Variants in ALCAM observed in about 807,000 individuals in gnomAD.
ALCAM encodes CD166 antigen.
In ALCAM, 30 loss-of-function variants were observed where a neutral mutation model predicts 70.9. That is an observed-to-expected ratio of 0.42 (90% CI 0.32 to 0.57). The LOEUF is 0.57. Among genes scored for constraint, ALCAM ranks in the 20% least tolerant of loss-of-function variants. The pLI, the probability that ALCAM is intolerant of heterozygous loss-of-function variation, is 0.11. For missense variants in ALCAM, 591 were observed against 695.1 expected, an observed-to-expected ratio of 0.85 and a Z score of 1.68; for synonymous variants, 249 against 242.5, an observed-to-expected ratio of 1.03 and a Z score of -0.25.
At chr3:105,542,296 A>C (rs542817997) in intron 8 of ALCAM, among the ~76,000 whole-genome samples, 1 of 151,964 alleles carries the variant, frequency 6.6e-6, no homozygotes, top group East Asian at 1.9e-4. Context: ...GAACCTCTTG[A>C]AAATCACTGT....
chr3:105,494,123 C>T (rs1244475057), intron 1 of ALCAM, among the ~76,000 whole-genome samples: 1 of 152,138 alleles, frequency 6.6e-6, no homozygotes, highest in Non-Finnish European at 1.5e-5. Flanking sequence ...TCTTTACTAA[C>T]TGCATGCTGA....
At chr3:105,563,204 CA>C (rs781415771) in intron 14 of ALCAM, among the ~76,000 whole-genome samples, 12,577 of 75,366 alleles carry the variant, frequency 0.17, 635 homozygotes, top group Non-Finnish European at 0.22. Flanking sequence ...GACATTTTTG[CA>C]AAAAAAAAAA....
chr3:105,370,929 C>A (rs540197263), intron 1 of ALCAM, among the ~76,000 whole-genome samples: 35 of 152,194 alleles, frequency 2.3e-4, no homozygotes, highest in African/African-American at 8.2e-4. Context: ...ATTCATATGA[C>A]AAAGCCTCAT....
chr3:105,493,121 T>C (rs565031944), intron 1 of ALCAM, among the ~76,000 whole-genome samples: 1 of 152,318 alleles, frequency 6.6e-6, no homozygotes, highest in South Asian at 2.1e-4. Context: ...CTGTGTTGTA[T>C]CAGAAGCTAT....
chr3:105,468,118 A>C (rs9637374), intron 1 of ALCAM, among the ~76,000 whole-genome samples: 28,210 of 151,196 alleles, frequency 0.19, 2,802 homozygotes, highest in East Asian at 0.37. Flanking sequence ...TGAGTGTAGC[A>C]ATAGGGGAGC....
chr3:105,436,323 T>C (rs1055582376), intron 1 of ALCAM, among the ~76,000 whole-genome samples: 1 of 152,092 alleles, frequency 6.6e-6, no homozygotes, highest in Non-Finnish European at 1.5e-5. Context: ...AACTTCAGTG[T>C]AAACAGTTTA....
intron 1 of ALCAM, among the ~76,000 whole-genome samples, chr3:105,414,357 G>C (rs1313284783): frequency 1.3e-5 from 2 of 152,058 alleles, no homozygotes; most frequent in South Asian, 4.1e-4. Context: ...TGGAGGTTCA[G>C]TGAGCCAAGA....
At chr3:105,533,566 T>G in intron 4 of ALCAM, 37 bp from the exon 5 acceptor site, 1 of 1,576,796 alleles carries the variant, frequency 6.3e-7, no homozygotes, top group Non-Finnish European at 8.7e-7. Flanking sequence ...AGCCCCTGAT[T>G]GAACCAAGGT....
rs1308260044 is a variant in ALCAM at position 105,572,291 on chromosome 3, TTCTCACTGCTCAAC to T, written c.*25+330_*25+343del. The stretch of plus-strand genomic sequence containing the variant: ...GTGGTCCCTTCCCTATGTCCATGTG[TTCTCACTGCTCAAC>T]TCCCACTTATGAGTGAAAACATGCA... On this transcript the variant is annotated intron_variant, in intron 15 of 15. Transcript: ENST00000306107. 2.6e-5 allele frequency among the ~76,000 whole-genome samples: 4 copies of T among 152,214 alleles called. No homozygotes were observed. The South Asian group carries it at 8.3e-4, about 32-fold the overall frequency.
At chr3:105,488,259 G>A (rs552629483) in intron 1 of ALCAM, among the ~76,000 whole-genome samples, 2 of 152,158 alleles carry the variant, frequency 1.3e-5, no homozygotes, top group African/African-American at 2.4e-5. Flanking sequence ...CTGCAGAACT[G>A]TGAGCCAAAT....
chr3:105,368,982 G>C (rs1935155439), intron 1 of ALCAM, among the ~76,000 whole-genome samples: 1 of 152,132 alleles, frequency 6.6e-6, no homozygotes, highest in Non-Finnish European at 1.5e-5. Context: ...AGGTGGAAAG[G>C]CGAGACCCCC....
intron 1 of ALCAM, among the ~76,000 whole-genome samples, chr3:105,470,321 GAGAA>G (rs1008130344): frequency 2.7e-5 from 4 of 150,388 alleles, no homozygotes; most frequent in Non-Finnish European, 6.0e-5. Flanking sequence ...AGGCCAAGAT[GAGAA>G]AGAGTTTATG....
chr3:105,546,112 A>G (rs1000003842), intron 9 of ALCAM, among the ~76,000 whole-genome samples: 1 of 151,334 alleles, frequency 6.6e-6, no homozygotes. Context: ...AAAGGTTGTG[A>G]TTGCGATCCC....
At chr3:105,543,756 T>C (rs1487635786) in intron 8 of ALCAM, among the ~76,000 whole-genome samples, 2 of 151,706 alleles carry the variant, frequency 1.3e-5, no homozygotes, top group African/African-American at 4.8e-5. Flanking sequence ...GAAAATTAGC[T>C]ATCCAGCTAA....
chr3:105,372,841 A>T (rs1348962545), intron 1 of ALCAM, among the ~76,000 whole-genome samples: 4 of 152,134 alleles, frequency 2.6e-5, no homozygotes, highest in African/African-American at 7.2e-5. Flanking sequence ...GACTAAAAAC[A>T]TCTATGAGAT....
At chr3:105,553,558 A>G (rs1323077351) in intron 14 of ALCAM, among the ~76,000 whole-genome samples, 4 of 151,852 alleles carry the variant, frequency 2.6e-5, no homozygotes, top group African/African-American at 9.7e-5. Context: ...GAGAATCAAA[A>G]GAAAAATCAG....
At chr3:105,520,363 A>C (rs1358980233) in intron 2 of ALCAM, among the ~76,000 whole-genome samples, 196 bp downstream of exon 2, 1 of 152,254 alleles carries the variant, frequency 6.6e-6, no homozygotes, top group Non-Finnish European at 1.5e-5. Flanking sequence ...TTTTAAAATA[A>C]AGCCAATAAA....
chr3:105,461,202 G>A (rs114390903), intron 1 of ALCAM, among the ~76,000 whole-genome samples: 2,162 of 151,944 alleles, frequency 0.014, 37 homozygotes, highest in African/African-American at 0.048. Context: ...TTAAGCTCTG[G>A]TTGATTACTG....
chr3:105,541,831 C>A, intron 8 of ALCAM, 66 bp downstream of exon 8: 1 of 1,554,112 alleles, frequency 6.4e-7, no homozygotes, highest in Non-Finnish European at 8.8e-7. Context: ...ATGTAGCTAT[C>A]TTTTCAAATA....
Sources: gnomAD v4.1 joint callset for allele counts (sites outside exome capture counted in the v4.1 genomes callset) on GRCh38, gnomAD v4.1.1 for gene constraint, MANE v1.5 for transcripts, NCBI Gene and HGNC (gene_info 2026-07-23, HGNC 2026-07-21) for gene names.